PLPP2: variants seen among roughly 807,000 people sequenced by gnomAD.
PLPP2 encodes the protein PAP2-gamma.
Under a neutral mutation model 35.2 loss-of-function variants are expected in PLPP2, and 29 were observed. That is an observed-to-expected ratio of 0.82 (90% CI 0.61 to 1.12). PLPP2 has a LOEUF of 1.12. PLPP2 is among the 50% of genes most tolerant of loss of function. PLPP2 has a pLI of 0.00. For missense variants in PLPP2, 353 were observed against 375.2 expected, an observed-to-expected ratio of 0.94 and a Z score of 0.49; for synonymous variants, 162 against 167.0, an observed-to-expected ratio of 0.97 and a Z score of 0.23.
At chr19:289,497 C>T (rs1300569701) in intron 1 of PLPP2, among the ~76,000 whole-genome samples, 1 of 150,622 alleles carries the variant, frequency 6.6e-6, no homozygotes, top group Non-Finnish European at 1.5e-5. Flanking sequence ...GGGCAGATCA[C>T]GAGGTCAGGA....
At chr19:291,259 A>G (rs757079411) in intron 1 of PLPP2, 26 bp downstream of exon 1, 14 of 1,598,996 alleles carry the variant, frequency 8.8e-6, no homozygotes, top group Non-Finnish European at 1.2e-5. Flanking sequence ...GGGTCCCCCC[A>G]ACACCCGGGT....
At chr19:289,750 C>A (rs117461392) in intron 1 of PLPP2, among the ~76,000 whole-genome samples, 1 of 151,968 alleles carries the variant, frequency 6.6e-6, no homozygotes, top group African/African-American at 2.4e-5. Context: ...CAGGGCAGGA[C>A]GGCGGAGAGG....
In PLPP2 at chr19:287,200, G is replaced by A. The variant is rs1041839625; in HGVS notation, c.482+274C>T. On this transcript the variant is annotated intron_variant, in intron 3 of 5. Transcript: ENST00000434325. This position sits in a 1 kb window ranked among gnomAD's most constrained non-coding sequence, Gnocchi z 4.3. ...CTCATATATCTCATTCTATGATGAT[G>A]AAATGGTCAATCTTTCAAAAATATA... 5.1e-6 allele frequency: 2 copies of A among 395,656 alleles called. No homozygotes were observed. Among genetic ancestry groups the A allele is most frequent in the African/African-American group, 4.0e-5 (2 of 49,772 alleles). The allele number at this position is 395,656 out of a possible 1,614,324, so 24.5% of individuals were successfully genotyped here.
Position 282,811 on chromosome 19 carries a change from T to C in PLPP2, c.483-2A>G, listed in dbSNP as rs1600077402. 2 of 1,613,106 alleles carry C rather than the reference T, an allele frequency of 1.2e-6. No homozygotes were observed. The highest frequency in any genetic ancestry group is 2.2e-5 in the East Asian group (1 of 44,842). On this transcript the variant is annotated splice_acceptor_variant, in intron 3 of 5. Coordinates refer to ENST00000434325, the MANE Select transcript of PLPP2 (RefSeq NM_003712.4). LOFTEE classifies it high-confidence loss of function. ...GAGTGTCCCGAGTAGAAAGACAACC[T>C]GAGGAAGGAGAAGGGGCAGGTGGCT...
rs1444150817 is a variant in PLPP2, at chr19:287,403, C to T, written c.482+71G>A. 2.6e-6 allele frequency: 4 copies of T among 1,538,716 alleles called. No homozygotes were observed. Among genetic ancestry groups the T allele is most frequent in the Non-Finnish European group, 3.5e-6 (4 of 1,141,826 alleles). On this transcript the variant is annotated intron_variant, in intron 3 of 5. Transcript: ENST00000434325. The surrounding 1 kb of genome is among the most constrained non-coding windows in gnomAD (Gnocchi z 4.3). ...TAGTCTCAGCTGCCTGCTGGCTCTT[C>T]ATGATTTGGCTCCAGGGCCTTCTTC...
chr19:288,179 G>A lies in PLPP2; in HGVS notation c.53-8C>T, dbSNP rs778787873. 24 of 1,565,424 alleles carry A rather than the reference G, an allele frequency of 1.5e-5. No individual in the cohort carries two copies. The highest frequency in any genetic ancestry group is 1.9e-5 in the Non-Finnish European group (22 of 1,151,328). Reference sequence around the variant, plus strand: ...TAGCGAAGGGCAGGGAGGCTGGTGGGGAAGAAAAGCCTGGGAGCTGTGAGG... The same window carrying A: ...TAGCGAAGGGCAGGGAGGCTGGTGGAGAAGAAAAGCCTGGGAGCTGTGAGG... On this transcript the variant is annotated splice_region_variant and splice_polypyrimidine_tract_variant and intron_variant, in intron 1 of 5. Transcript: ENST00000434325.
chr19:281,530 T>G lies in PLPP2; in HGVS notation c.725A>C (p.Tyr242Ser). 6.7e-7 allele frequency: 1 copy of G among 1,497,546 alleles called. No individual in the cohort carries two copies. The highest frequency in any genetic ancestry group is 8.9e-7 in the Non-Finnish European group (1 of 1,120,608). 92.8% of individuals were successfully genotyped at this position (1,497,546 alleles called of 1,614,324 possible). The change falls in exon 6 of 6, where the codon TAC becomes TCC. Residue 242 changes from tyrosine (Y) to serine (S), a missense_variant. By Grantham distance (144) the Tyr-to-Ser change is moderately radical (BLOSUM62 -2). Transcript: ENST00000434325. Reference protein sequence around the residue: ...GALVAALTVCYISDFFKARPP... With the variant: ...GALVAALTVCSISDFFKARPP... ...TCGGGCTTTGAAGAAGTCTGAGATG[T>G]AGCAGACCTGGTAGAGCAGAGGGTG...
At chr19:290,622 A>AG (rs1198349720) in intron 1 of PLPP2, among the ~76,000 whole-genome samples, 1 of 152,142 alleles carries the variant, frequency 6.6e-6, no homozygotes, top group Non-Finnish European at 1.5e-5. Context: ...ACCCTGCGGG[A>AG]GGGGGGCCTC....
Position 287,209 on chromosome 19 carries a change from A to C in PLPP2, c.482+265T>G. On this transcript the variant is annotated intron_variant, in intron 3 of 5. Transcript: ENST00000434325. This position sits in a 1 kb window ranked among gnomAD's most constrained non-coding sequence, Gnocchi z 4.3. ...CTCATTCTATGATGATGAAATGGTC[A>C]ATCTTTCAAAAATATATAACAATTA... 1 of 419,998 alleles carries C rather than the reference A, an allele frequency of 2.4e-6. No homozygotes were observed. Among genetic ancestry groups the C allele is most frequent in the Non-Finnish European group, 4.3e-6 (1 of 235,086 alleles). 26.0% of individuals were successfully genotyped at this position (419,998 alleles called of 1,614,324 possible). A position where few individuals can be genotyped will look rare whatever the true frequency, so the allele number is the denominator to read the frequency against.
Position 282,134 on chromosome 19 carries a change from A to G in PLPP2, c.717T>C (p.Thr239=). 1 of 1,613,248 alleles carries G rather than the reference A, an allele frequency of 6.2e-7. No individual in the cohort carries two copies. The change falls in exon 5 of 6, where the codon ACT becomes ACC. Residue 239 remains threonine, a splice_region_variant and synonymous_variant. Coordinates refer to ENST00000434325, the MANE Select transcript of PLPP2 (RefSeq NM_003712.4). ...GATAGAGTTAGGGTTAGAAGCTCAC[A>G]GTGAGGGCAGCCACCAGTGCCCCCT... is the stretch of plus-strand genomic sequence containing the variant. ...LLQGALVAAL[T]VCYISDFFKA...
intron 3 of PLPP2, chr19:284,031 TTATAA>T (rs930341017): frequency 6.6e-6 from 1 of 152,078 alleles, no homozygotes; most frequent in Non-Finnish European, 1.5e-5. Context: ...AGTTGCTACA[TTATAA>T]TATTCTAAAC....
Position 287,593 on chromosome 19 carries a change from C to T in PLPP2, c.363G>A (p.Gly121=). 6.2e-7 allele frequency: 1 copy of T among 1,613,892 alleles called. No individual in the cohort carries two copies. The highest frequency in any genetic ancestry group is 1.1e-5 in the South Asian group (1 of 91,088). ...CGGCTAGGAAGTTGGGCCTCAGACG[C>T]CCAATCATGTACTTGGCCAGGTCTG... The part of the protein sequence containing the change: ...SLTDLAKYMI[G]RLRPNFLAVC... The change falls in exon 3 of 6, where the codon GGG becomes GGA. Residue 121 remains glycine (G), a synonymous_variant. Coordinates refer to ENST00000434325, the MANE Select transcript of PLPP2 (RefSeq NM_003712.4). The surrounding 1 kb of genome is among the most constrained non-coding windows in gnomAD (Gnocchi z 4.3).
rs1330288980 is a variant in PLPP2, at chr19:291,340, C to T, written c.-4G>A. 1 of 1,588,898 alleles carries T rather than the reference C, an allele frequency of 6.3e-7. No homozygotes were observed. The highest frequency in any genetic ancestry group is 2.3e-5 in the East Asian group (1 of 42,686). The stretch of plus-strand genomic sequence containing the variant: ...CGAAGACCCACCTCCGCTGCATGGT[C>T]CCCGCGACCCCCGACGCCGGTCCCA... On this transcript the variant is annotated 5_prime_UTR_variant, in exon 1 of 6. Transcript: ENST00000434325.
chr19:291,362 C>G lies in PLPP2; in HGVS notation c.-26G>C. Reference sequence around the variant, plus strand: ...GGTCCCCGCGACCCCCGACGCCGGTCCCAGCGCGTCCCGTCGCGTCCCGGC... The same window carrying G: ...GGTCCCCGCGACCCCCGACGCCGGTGCCAGCGCGTCCCGTCGCGTCCCGGC... On this transcript the variant is annotated 5_prime_UTR_variant, in exon 1 of 6. Transcript: ENST00000434325. 3 of 1,583,800 alleles carry G rather than the reference C, an allele frequency of 1.9e-6. No individual in the cohort carries two copies. Among genetic ancestry groups the G allele is most frequent in the Non-Finnish European group, 2.6e-6 (3 of 1,167,402 alleles).
chr19:288,844 C>T (rs1190311820), intron 1 of PLPP2, among the ~76,000 whole-genome samples: 2 of 152,182 alleles, frequency 1.3e-5, no homozygotes, highest in Admixed American at 1.3e-4. Flanking sequence ...GTCCCTGGAG[C>T]CTGCTCAGGG....
In PLPP2 at chr19:282,166, G is replaced by A. The variant is rs1399997740; in HGVS notation, c.685C>T (p.Leu229Phe). ...KHHWSDVLVG[L>F]LQGALVAALT... Reference sequence around the variant, plus strand: ...GCAGCCACCAGTGCCCCCTGCAGGAGGCCAACAAGGACATCGCTCCAGTGG... The same window carrying A: ...GCAGCCACCAGTGCCCCCTGCAGGAAGCCAACAAGGACATCGCTCCAGTGG... Residue 229 changes from leucine to phenylalanine, a missense_variant, in exon 5 of 6, where the codon CTC (leucine) becomes TTC (phenylalanine). Physicochemically the swap from Leu to Phe is conservative, Grantham distance 22. Transcript: ENST00000434325. 4 of 1,613,716 alleles carry A rather than the reference G, an allele frequency of 2.5e-6. No individual in the cohort carries two copies. The South Asian group carries it at 3.3e-5, about 13-fold the overall frequency.
In PLPP2 at chr19:287,940, AC is replaced by A. The variant is rs1038174119; in HGVS notation, c.204+79del. 1.8e-5 allele frequency: 27 copies of A among 1,529,660 alleles called. No homozygotes were observed. The highest frequency in any genetic ancestry group is 9.1e-5 in the Admixed American group (5 of 55,234). The allele number at this position is 1,529,660 out of a possible 1,614,324, so 94.8% of individuals were successfully genotyped here. ...CAGACCTCCAGGGCAGGGCTGTGCC[AC>A]CCCCCCATCAGGCCCCCAGGGTAAA... On this transcript the variant is annotated intron_variant, in intron 2 of 5. Coordinates refer to ENST00000434325, the MANE Select transcript of PLPP2 (RefSeq NM_003712.4). The surrounding 1 kb of genome is among the most constrained non-coding windows in gnomAD (Gnocchi z 4.3).
chr19:282,642 C>A (rs975532291), intron 4 of PLPP2, 110 bp downstream of exon 4: 7 of 1,191,866 alleles, frequency 5.9e-6, no homozygotes, highest in Non-Finnish European at 8.5e-6. Flanking sequence ...AGTTAGCCCC[C>A]CTCACCACCA....
intron 1 of PLPP2, 190 bp downstream of exon 1, chr19:291,095 C>G: frequency 7.5e-7 from 1 of 1,337,948 alleles, no homozygotes; most frequent in Non-Finnish European, 9.6e-7. Flanking sequence ...CGGGGACCCC[C>G]GAGCCTGGGA....
Sources: gnomAD v4.1 joint callset for allele counts (sites outside exome capture counted in the v4.1 genomes callset) on GRCh38, gnomAD v4.1.1 for gene constraint, Gnocchi (gnomAD v3.1) non-coding constraint, MANE v1.5 for transcripts, NCBI Gene and HGNC (gene_info 2026-07-23, HGNC 2026-07-21) for gene names.